The following TMEM117 variants were observed in gnomAD, a reference collection of about 807,000 sequenced individuals.
TMEM117 encodes transmembrane protein 117.
In TMEM117, 27 loss-of-function variants were observed where a neutral mutation model predicts 52.4. That is an observed-to-expected ratio of 0.51 (90% CI 0.38 to 0.71). The LOEUF is 0.71. Among genes scored for constraint, TMEM117 ranks in the 30% least tolerant of loss-of-function variants. TMEM117 has a pLI of 0.00. For synonymous variants in TMEM117, 215 were observed against 206.3 expected, an observed-to-expected ratio of 1.04 and a Z score of -0.36; for missense variants, 556 against 630.5, an observed-to-expected ratio of 0.88 and a Z score of 1.26.
chr12:43,806,144 G>T, the TMEM117 span: 1 of 1,531,658 alleles, frequency 6.5e-7, no homozygotes, highest in Admixed American at 2.0e-5. Flanking sequence ...CTCCAGCCCT[G>T]CCGGTCCTGC....
At chr12:43,821,099 T>TAAA in the TMEM117 span, among the ~76,000 whole-genome samples, 2 of 112,356 alleles carry the variant, frequency 1.8e-5, no homozygotes, top group Non-Finnish European at 1.9e-5. Flanking sequence ...CCTCTCACAT[T>TAAA]AAAAAAAAAA....
At chr12:44,314,652 C>T (rs1011478095) in intron 6 of TMEM117, among the ~76,000 whole-genome samples, 12 of 151,526 alleles carry the variant, frequency 7.9e-5, no homozygotes, top group African/African-American at 2.7e-4. Context: ...CTGCAACCTC[C>T]GCCTCCTGGG....
At chr12:44,332,092 A>G (rs983641535) in intron 6 of TMEM117, among the ~76,000 whole-genome samples, 15 of 152,056 alleles carry the variant, frequency 9.9e-5, no homozygotes, top group Non-Finnish European at 2.1e-4. Context: ...TTTCTGTTAC[A>G]TGTATGTAAA....
chr12:44,306,714 A>G (rs1331359930), intron 6 of TMEM117, among the ~76,000 whole-genome samples: 2 of 152,188 alleles, frequency 1.3e-5, no homozygotes, highest in African/African-American at 2.4e-5. Context: ...TGAAAGAGTA[A>G]AGGAATTAAT....
At chr12:43,965,256 A>G (rs1006066009) in intron 3 of TMEM117, among the ~76,000 whole-genome samples, 1 of 152,240 alleles carries the variant, frequency 6.6e-6, no homozygotes, top group Non-Finnish European at 1.5e-5. Context: ...AAAATAAGGA[A>G]AAGAATTAAG....
At chr12:43,806,022 G>A in the TMEM117 span, 175 of 1,522,984 alleles carry the variant, frequency 1.1e-4, 1 homozygote, top group African/African-American at 2.1e-3. Context: ...GACGGCAGCA[G>A]GGACCGGGCT....
At chr12:43,935,693 TTGGCAA>T (rs1303693923) in intron 2 of TMEM117, among the ~76,000 whole-genome samples, 1 of 152,236 alleles carries the variant, frequency 6.6e-6, no homozygotes, top group Admixed American at 6.5e-5. Context: ...TAAACTATGC[TTGGCAA>T]TGGCCATTTC....
chr12:43,924,037 G>A (rs1295351893), intron 2 of TMEM117, among the ~76,000 whole-genome samples: 1 of 152,154 alleles, frequency 6.6e-6, no homozygotes, highest in African/African-American at 2.4e-5. Context: ...CTATATAAAT[G>A]CCTGTTAAAT....
chr12:44,237,666 G>A (rs767981807), intron 5 of TMEM117, among the ~76,000 whole-genome samples: 6 of 151,418 alleles, frequency 4.0e-5, no homozygotes, highest in Non-Finnish European at 7.4e-5. Flanking sequence ...GATGTGAGCC[G>A]AGATCCCACC....
intron 3 of TMEM117, among the ~76,000 whole-genome samples, chr12:43,993,743 G>A (rs1205475382): frequency 6.6e-6 from 1 of 152,096 alleles, no homozygotes; most frequent in African/African-American, 2.4e-5. Context: ...TGCCCAGGCT[G>A]GAGTGCAGTG....
At chr12:44,158,302 G>A (rs1380443000) in intron 4 of TMEM117, among the ~76,000 whole-genome samples, 1 of 152,130 alleles carries the variant, frequency 6.6e-6, no homozygotes, top group African/African-American at 2.4e-5. Context: ...GAATTCAATA[G>A]TAAACCCAGG....
intron 3 of TMEM117, among the ~76,000 whole-genome samples, chr12:43,998,492 T>G (rs998240883): frequency 3.3e-5 from 5 of 152,232 alleles, no homozygotes; most frequent in Non-Finnish European, 5.9e-5. Context: ...ACTACTGTTA[T>G]AGTTAGGTTA....
chr12:44,232,727 A>G (rs1949949065), intron 5 of TMEM117, among the ~76,000 whole-genome samples: 1 of 151,412 alleles, frequency 6.6e-6, no homozygotes, highest in Non-Finnish European at 1.5e-5. Flanking sequence ...CAATCTCTGA[A>G]TATTGATACA....
chr12:44,220,134 G>T (rs1162763240), intron 5 of TMEM117, among the ~76,000 whole-genome samples: 1 of 152,150 alleles, frequency 6.6e-6, no homozygotes, highest in East Asian at 1.9e-4. Context: ...ACAGTGTGTT[G>T]ACTGGGAATT....
chr12:44,377,814 A>G (rs973749900), intron 7 of TMEM117, among the ~76,000 whole-genome samples: 3 of 152,238 alleles, frequency 2.0e-5, no homozygotes, highest in Non-Finnish European at 4.4e-5. Flanking sequence ...AAACATTAAC[A>G]TCTGAGTACT....
At position 44,029,607 on chromosome 12, in the gene TMEM117, T is replaced by C. The variant is rs1002625574; in HGVS notation, c.410+85265T>C. Among the ~76,000 whole-genome samples the C allele has an allele frequency of 3.9e-5, 6 of 152,312 alleles. No homozygotes were observed. The South Asian group carries it at 1.2e-3, about 32-fold the overall frequency. On this transcript the variant is annotated intron_variant, in intron 3 of 7. Coordinates refer to ENST00000266534, the MANE Select transcript of TMEM117 (RefSeq NM_032256.3). ...TTCCCCACTCTGCCACAGGCAATGC[T>C]CCTCTCTCTCTCTCTTTCTGCAAAC...
intron 3 of TMEM117, among the ~76,000 whole-genome samples, chr12:43,948,828 G>A (rs574829935): frequency 3.9e-5 from 6 of 152,080 alleles, no homozygotes; most frequent in South Asian, 2.1e-4. Context: ...TTACCCAAAG[G>A]TCAGGAAAAA....
intron 4 of TMEM117, among the ~76,000 whole-genome samples, chr12:44,187,072 C>T (rs1438448754): frequency 1.3e-5 from 2 of 152,148 alleles, no homozygotes; most frequent in African/African-American, 4.8e-5. Context: ...ACTTAATTCT[C>T]AAGGCAGACA....
chr12:44,312,487 C>T (rs1363695412), intron 6 of TMEM117, among the ~76,000 whole-genome samples: 2 of 152,074 alleles, frequency 1.3e-5, no homozygotes, highest in Non-Finnish European at 2.9e-5. Context: ...ACATGCATCA[C>T]ATTTTCTTTA....
Sources: gnomAD v4.1 joint callset for allele counts (sites outside exome capture counted in the v4.1 genomes callset) on GRCh38, gnomAD v4.1.1 for gene constraint, MANE v1.5 for transcripts, NCBI Gene and HGNC (gene_info 2026-07-23, HGNC 2026-07-21) for gene names.